The following DARS2 variants were observed in gnomAD, a reference collection of about 807,000 sequenced individuals.
DARS2 encodes aspartyl-tRNA synthetase 2, mitochondrial.
In DARS2, 63 loss-of-function variants were observed where a neutral mutation model predicts 83.0. The ratio of observed to expected loss-of-function variants is 0.76; its 90% CI spans 0.62 to 0.94. The LOEUF (loss-of-function observed/expected upper bound fraction) is 0.94. Among genes scored for constraint, DARS2 ranks in the 40% least tolerant of loss-of-function variants. The pLI is 0.00. For missense variants in DARS2, 675 were observed against 774.4 expected (o/e 0.87, Z 1.52); for synonymous variants, 250 against 269.3 (o/e 0.93, Z 0.70).
Position 173,857,506 on chromosome 1 carries a change from T to C in DARS2, c.1751-12T>C. ...ACATTTCTCATCTGTTATCTTTGTA[T>C]TTTACTCACAGGGTTAGACAGACTG... On this transcript the variant is annotated splice_polypyrimidine_tract_variant and intron_variant, in intron 16 of 16. Transcript: ENST00000649689. 6.2e-7 allele frequency: 1 copy of C among 1,612,670 alleles called. No individual in the cohort carries two copies. Among genetic ancestry groups the C allele is most frequent in the Non-Finnish European group, 8.5e-7 (1 of 1,178,628 alleles).
At chr1:173,836,866 C>G in intron 7 of DARS2, 74 bp from the exon 8 acceptor site, 1 of 1,187,470 alleles carries the variant, frequency 8.4e-7, no homozygotes, top group South Asian at 1.2e-5. Context: ...ACAACTTCTA[C>G]TAGTTAGTTA....
chr1:173,825,336 G>C lies in DARS2; in HGVS notation c.107G>C (p.Ser36Thr). ...TCTCTCTACAGAAGTCTGTTGCAGA[G>C]TTCACAGAGGAGAATTCCAGGTGAA... ...WGSLYRSLLQ[S>T]SQRRIPEFSS... The change falls in exon 1 of 17, where the codon AGT becomes ACT. Residue 36 changes from serine (S) to threonine (T), a missense_variant. Coordinates refer to ENST00000649689, the MANE Select transcript of DARS2 (RefSeq NM_018122.5). The C allele has an allele frequency of 1.2e-6, 2 of 1,613,608 alleles. No individual in the cohort carries two copies. The highest frequency in any genetic ancestry group is 1.7e-6 in the Non-Finnish European group (2 of 1,179,720).
chr1:173,850,029 G>T, intron 12 of DARS2, among the ~76,000 whole-genome samples: 1 of 151,416 alleles, frequency 6.6e-6, no homozygotes, highest in Non-Finnish European at 1.5e-5. Flanking sequence ...GCTACTTTTT[G>T]TATTTTTAGT....
At chr1:173,849,748 C>G (rs904681394) in intron 12 of DARS2, among the ~76,000 whole-genome samples, 5 of 152,030 alleles carry the variant, frequency 3.3e-5, no homozygotes, top group African/African-American at 1.2e-4. Context: ...CTTCTTTAAT[C>G]ATTCCTACTC....
intron 6 of DARS2, among the ~76,000 whole-genome samples, chr1:173,833,870 C>T (rs1267562759): frequency 6.6e-6 from 1 of 151,972 alleles, no homozygotes; most frequent in Non-Finnish European, 1.5e-5. Context: ...ACCGATCCTC[C>T]CACCACACCT....
At chr1:173,825,850 T>C (rs1652513280) in intron 1 of DARS2, among the ~76,000 whole-genome samples, 2 of 151,958 alleles carry the variant, frequency 1.3e-5, no homozygotes, top group Non-Finnish European at 2.9e-5. Flanking sequence ...CAGTTTTTTT[T>C]CCCTGAGTTT....
At chr1:173,833,541 C>G (rs751775279) in intron 6 of DARS2, 42 bp downstream of exon 6, 2 of 1,613,032 alleles carry the variant, frequency 1.2e-6, no homozygotes, top group Non-Finnish European at 1.7e-6. Context: ...TTTGTAGCAT[C>G]TCTTCTATTT....
chr1:173,853,579 A>G lies in DARS2; in HGVS notation c.1563+12A>G, dbSNP rs377098229. 58 of 1,613,608 alleles carry G rather than the reference A, an allele frequency of 3.6e-5. No individual in the cohort carries two copies. The highest frequency in any genetic ancestry group is 2.2e-4 in the East Asian group (10 of 44,882). On this transcript the variant is annotated intron_variant, in intron 14 of 16. Coordinates refer to ENST00000649689, the MANE Select transcript of DARS2 (RefSeq NM_018122.5). ...CTGAGCCCAAAAAGGTACCGTATCT[A>G]TACTTCCAAATCAAAAGGAAATGTG...
Position 173,856,650 on chromosome 1 carries a change from A to G in DARS2, c.1675-16A>G. On this transcript the variant is annotated splice_polypyrimidine_tract_variant and intron_variant, in intron 15 of 16. Transcript: ENST00000649689. ...CTTCAAAATATATTTAAACTGAATT[A>G]TCTTTTGAATTTCAGGAGGATGTGA... 6.2e-7 allele frequency: 1 copy of G among 1,612,158 alleles called. No homozygotes were observed. The highest frequency in any genetic ancestry group is 8.5e-7 in the Non-Finnish European group (1 of 1,178,284).
At position 173,844,669 on chromosome 1, in the gene DARS2, CAAAAAAAAAAAAAAAAAAAAAAA is replaced by C. The variant is rs549839808; in HGVS notation, c.1129-543_1129-521del. On this transcript the variant is annotated intron_variant, in intron 11 of 16. Coordinates refer to ENST00000649689, the MANE Select transcript of DARS2 (RefSeq NM_018122.5). ...TGGGTGACAGAGCTAGACTCCATCG[CAAAAAAAAAAAAAAAAAAAAAAA>C]AAAAAAAAAAAAAAAATCTGCATAA... Among the ~76,000 whole-genome samples, 14 of 29,930 alleles carry C rather than the reference CAAAAAAAAAAAAAAAAAAAAAAA, an allele frequency of 4.7e-4. 1 individual carries two copies. The highest frequency in any genetic ancestry group is 6.6e-4 in the Non-Finnish European group (9 of 13,638). 19.6% of individuals were successfully genotyped at this position (29,930 alleles called of 152,430 possible).
Position 173,827,412 on chromosome 1 carries a change from G to A in DARS2, c.227+626G>A, listed in dbSNP as rs1271770075. Among the ~76,000 whole-genome samples the A allele has an allele frequency of 2.6e-5, 4 of 152,242 alleles. No individual in the cohort carries two copies. In the East Asian group the frequency reaches 5.8e-4, roughly 22 times the overall value. On this transcript the variant is annotated intron_variant, in intron 2 of 16. Transcript: ENST00000649689. ...TGGGAGGCCGAGGCGGGCGGATCAC[G>A]AGGTTAGGAGTTCGAGACCAGCCCA...
chr1:173,845,320 C>T, intron 12 of DARS2, 29 bp downstream of exon 12: 1 of 1,486,566 alleles, frequency 6.7e-7, no homozygotes, highest in Non-Finnish European at 9.4e-7. Flanking sequence ...CAGTTTTTTT[C>T]CTTATACAGA....
At position 173,845,225 on chromosome 1, in the gene DARS2, T is replaced by A. The variant is rs1415040480; in HGVS notation, c.1129-4T>A. On this transcript the variant is annotated splice_polypyrimidine_tract_variant and splice_region_variant and intron_variant, in intron 11 of 16. Coordinates refer to ENST00000649689, the MANE Select transcript of DARS2 (RefSeq NM_018122.5). Reference sequence around the variant, plus strand: ...CAAGTTTACTTTGATTTTTCTTTCATCAGAAATACTTAAAAAGGAAAGACA... The same window carrying A: ...CAAGTTTACTTTGATTTTTCTTTCAACAGAAATACTTAAAAAGGAAAGACA... 5 of 1,586,714 alleles carry A rather than the reference T, an allele frequency of 3.2e-6. No individual in the cohort carries two copies. The highest frequency in any genetic ancestry group is 3.5e-6 in the Non-Finnish European group (4 of 1,155,254).
At chr1:173,835,002 G>C (rs1015411601) in intron 7 of DARS2, among the ~76,000 whole-genome samples, 1 of 151,496 alleles carries the variant, frequency 6.6e-6, no homozygotes, top group Non-Finnish European at 1.5e-5. Flanking sequence ...GGCTGGTCTC[G>C]AACACCTGAC....
chr1:173,832,934 C>G (rs1389456655), intron 5 of DARS2, among the ~76,000 whole-genome samples: 1 of 152,028 alleles, frequency 6.6e-6, no homozygotes, highest in Non-Finnish European at 1.5e-5. Flanking sequence ...TGGGGTCTTG[C>G]TATATTGCCC....
rs187536620 is a variant in DARS2, at chr1:173,842,685, C to A, written c.1128+1712C>A. 9.0e-4 allele frequency among the ~76,000 whole-genome samples: 136 copies of A among 151,338 alleles called. 2 individuals are homozygous for A. In the East Asian group the frequency reaches 0.026, roughly 29 times the overall value. On this transcript the variant is annotated intron_variant, in intron 11 of 16. Coordinates refer to ENST00000649689, the MANE Select transcript of DARS2 (RefSeq NM_018122.5). ...GGGCACGGTAGCCCACGCCTGTAAT[C>A]CCAGCACTTTGGGAGGCCAAGGCGG... is the stretch of plus-strand genomic sequence containing the variant.
At chr1:173,848,301 G>A (rs920723657) in intron 12 of DARS2, among the ~76,000 whole-genome samples, 29 of 152,260 alleles carry the variant, frequency 1.9e-4, no homozygotes, top group Middle Eastern at 3.4e-3. Flanking sequence ...ATGTCTTTAT[G>A]TTTAAAACCT....
rs116012010 is a variant in DARS2, at chr1:173,831,406, T to C, written c.397-129T>C. ...TCAAAATCATGCACAGACATGTATG[T>C]TTTATACTATACACTATAAGGACTT... is the stretch of plus-strand genomic sequence containing the variant. On this transcript the variant is annotated intron_variant, in intron 4 of 16. Coordinates refer to ENST00000649689, the MANE Select transcript of DARS2 (RefSeq NM_018122.5). 291 of 796,514 alleles carry C rather than the reference T, an allele frequency of 3.7e-4. 1 individual carries two copies. The African/African-American group carries it at 4.4e-3, about 12-fold the overall frequency. The allele number at this position is 796,514 out of a possible 1,614,324, so 49.3% of individuals were successfully genotyped here.
chr1:173,843,543 G>A (rs1653311708), intron 11 of DARS2, among the ~76,000 whole-genome samples: 1 of 152,198 alleles, frequency 6.6e-6, no homozygotes, highest in East Asian at 1.9e-4. Flanking sequence ...CTGGGCAACA[G>A]AGTGAGACTC....
Sources: gnomAD v4.1 joint callset for allele counts (sites outside exome capture counted in the v4.1 genomes callset) on GRCh38, gnomAD v4.1.1 for gene constraint, MANE v1.5 for transcripts, NCBI Gene and HGNC (gene_info 2026-07-23, HGNC 2026-07-21) for gene names.